The following CCBE1 variants were observed in gnomAD, a reference collection of about 807,000 sequenced individuals.
CCBE1 encodes collagen and calcium-binding EGF domain-containing protein 1.
A neutral mutation model predicts 50.0 loss-of-function variants in CCBE1; 37 were observed. The observed-to-expected ratio is 0.74, with a 90% confidence interval of 0.57 to 0.97. CCBE1 has a LOEUF of 0.97. Ranked by LOEUF, CCBE1 falls within the 50% of genes least tolerant of loss-of-function variation. The pLI is 0.00. For synonymous variants in CCBE1, 234 were observed against 203.7 expected, an observed-to-expected ratio of 1.15 and a Z score of -1.27; for missense variants, 538 against 523.8, an observed-to-expected ratio of 1.03 and a Z score of -0.26.
intron 2 of CCBE1, among the ~76,000 whole-genome samples, chr18:59,546,742 T>C (rs1429362352): frequency 6.6e-6 from 1 of 152,200 alleles, no homozygotes; most frequent in East Asian, 1.9e-4. Context: ...TTAAACATGT[T>C]AATCTTCTAT....
At chr18:59,552,549 TATCC>T (rs1439356374) in intron 2 of CCBE1, among the ~76,000 whole-genome samples, 2 of 152,254 alleles carry the variant, frequency 1.3e-5, no homozygotes, top group Non-Finnish European at 2.9e-5. Flanking sequence ...ACTCGCCAAG[TATCC>T]ATTTGCTGAC....
chr18:59,579,285 C>G (rs1282138842), intron 2 of CCBE1, among the ~76,000 whole-genome samples: 1 of 151,954 alleles, frequency 6.6e-6, no homozygotes, highest in African/African-American at 2.4e-5. Context: ...AAAAAAGCAA[C>G]AATTCACAGT....
intron 2 of CCBE1, among the ~76,000 whole-genome samples, chr18:59,599,991 G>A (rs2053408918): frequency 6.6e-6 from 1 of 152,136 alleles, no homozygotes; most frequent in Non-Finnish European, 1.5e-5. Context: ...CAGAACCATG[G>A]TGAGTTTTCC....
intron 2 of CCBE1, among the ~76,000 whole-genome samples, chr18:59,517,731 AAGTTTTCAGAGCACCG>A (rs1441455786): frequency 6.6e-6 from 1 of 152,234 alleles, no homozygotes; most frequent in African/African-American, 2.4e-5. Context: ...ACAAAGCAGC[AAGTTTTCAGAGCACCG>A]AGTTTCTCCA....
chr18:59,531,723 G>A (rs981252066), intron 2 of CCBE1, among the ~76,000 whole-genome samples: 24 of 152,214 alleles, frequency 1.6e-4, no homozygotes, highest in African/African-American at 5.8e-4. Flanking sequence ...CAGCCTGGGC[G>A]ACAAAGAAAC....
At chr18:59,439,638 TC>T in intron 8 of CCBE1, 38 bp downstream of exon 8, 1 of 1,614,096 alleles carries the variant, frequency 6.2e-7, no homozygotes, top group Non-Finnish European at 8.5e-7. Flanking sequence ...AAACACATTT[TC>T]CCCCAAAAAG....
chr18:59,445,872 C>T (rs7242532), intron 7 of CCBE1, among the ~76,000 whole-genome samples: 48,442 of 152,134 alleles, frequency 0.32, 7,874 homozygotes, highest in Admixed American at 0.34. Context: ...CAGCACCTTA[C>T]GTATGACAGT....
At chr18:59,486,709 C>T (rs921895059) in intron 2 of CCBE1, among the ~76,000 whole-genome samples, 2 of 152,202 alleles carry the variant, frequency 1.3e-5, no homozygotes, top group African/African-American at 2.4e-5. Context: ...AAAGTGGAGA[C>T]CAGGGTGCAG....
chr18:59,648,102 C>T (rs923339480), intron 2 of CCBE1, among the ~76,000 whole-genome samples: 10 of 152,224 alleles, frequency 6.6e-5, no homozygotes, highest in Non-Finnish European at 1.5e-4. Context: ...TTCCAGGTTG[C>T]CCTGTGTCAG....
chr18:59,621,234 C>T (rs898532833), intron 2 of CCBE1, among the ~76,000 whole-genome samples: 8 of 152,332 alleles, frequency 5.3e-5, no homozygotes, highest in African/African-American at 1.7e-4. Context: ...CACACTCACA[C>T]CAAGGAGGTG....
intron 2 of CCBE1, among the ~76,000 whole-genome samples, chr18:59,506,555 CA>C (rs1473377196): frequency 6.6e-6 from 1 of 152,230 alleles, no homozygotes; most frequent in African/African-American, 2.4e-5. Flanking sequence ...GACCTTCGGT[CA>C]AAGGATAGAG....
Position 59,435,514 on chromosome 18 carries a change from A to G in CCBE1, c.*394T>C. 1 of 297,880 alleles carries G rather than the reference A, an allele frequency of 3.4e-6. No individual in the cohort carries two copies. Among genetic ancestry groups the G allele is most frequent in the East Asian group, 8.6e-5 (1 of 11,668 alleles). 18.5% of individuals were successfully genotyped at this position (297,880 alleles called of 1,614,324 possible). ...GAACACACATCTTAGAAGTAGCCTC[A>G]CATTTTCTTAGAGCTCACTTTGTCA... On this transcript the variant is annotated 3_prime_UTR_variant, in exon 11 of 11. Coordinates refer to ENST00000439986, the MANE Select transcript of CCBE1 (RefSeq NM_133459.4).
rs1392920851 is a variant in CCBE1, at chr18:59,583,693, G to A, written c.213-103455C>T. 1.0e-4 allele frequency among the ~76,000 whole-genome samples: 14 copies of A among 139,046 alleles called. No individual in the cohort carries two copies. The South Asian group carries it at 1.1e-3, about 11-fold the overall frequency. The allele number at this position is 139,046 out of a possible 152,430, so 91.2% of individuals were successfully genotyped here. On this transcript the variant is annotated intron_variant, in intron 2 of 10. Transcript: ENST00000439986. Reference sequence around the variant, plus strand: ...TGTGTGTGTGTGTGCGCGCGCGCGCGCGCGCGCGTGTGTGTGTATGTCTGC... The same window carrying A: ...TGTGTGTGTGTGTGCGCGCGCGCGCACGCGCGCGTGTGTGTGTATGTCTGC...
intron 2 of CCBE1, among the ~76,000 whole-genome samples, chr18:59,687,340 C>A (rs1272372061): frequency 6.6e-6 from 1 of 152,204 alleles, no homozygotes; most frequent in Non-Finnish European, 1.5e-5. Flanking sequence ...AGGTCATGAA[C>A]GTCCACATAA....
intron 6 of CCBE1, among the ~76,000 whole-genome samples, chr18:59,452,358 C>T (rs1052815798): frequency 2.0e-5 from 3 of 152,062 alleles, no homozygotes; most frequent in Admixed American, 6.6e-5. Context: ...TTTGGGAGGC[C>T]GAGGCGGGTG....
intron 2 of CCBE1, among the ~76,000 whole-genome samples, chr18:59,602,180 T>G (rs1003859864): frequency 6.6e-6 from 1 of 151,902 alleles, no homozygotes; most frequent in African/African-American, 2.4e-5. Context: ...AATGAAAACG[T>G]AGGAAAAATG....
chr18:59,551,023 A>AAAAAAAAAGAAAAAAG (rs1915904169), intron 2 of CCBE1, among the ~76,000 whole-genome samples: 3 of 141,502 alleles, frequency 2.1e-5, no homozygotes, highest in Admixed American at 7.0e-5. Flanking sequence ...AAAAAAAAAA[A>AAAAAAAAAGAAAAAAG]AAAAAAGAAA....
Position 59,556,420 on chromosome 18 carries a change from C to T in CCBE1, c.213-76182G>A, listed in dbSNP as rs2052658219. Among the ~76,000 whole-genome samples the T allele has an allele frequency of 2.0e-5, 3 of 152,280 alleles. No individual in the cohort carries two copies. In the South Asian group the frequency reaches 6.2e-4, roughly 32 times the overall value. On this transcript the variant is annotated intron_variant, in intron 2 of 10. Coordinates refer to ENST00000439986, the MANE Select transcript of CCBE1 (RefSeq NM_133459.4). Reference sequence around the variant, plus strand: ...AGTGACCTGCAGTAACATATGCCTCCTCAGCATTCTTTCCTGCAGATGACT... The same window carrying T: ...AGTGACCTGCAGTAACATATGCCTCTTCAGCATTCTTTCCTGCAGATGACT...
At chr18:59,447,891 C>G in intron 7 of CCBE1, 92 bp downstream of exon 7, 1 of 1,586,670 alleles carries the variant, frequency 6.3e-7, no homozygotes, top group Non-Finnish European at 8.6e-7. Context: ...TCGATGGAAG[C>G]TGGAGAACAT....
Sources: allele counts gnomAD v4.1 joint callset (sites outside exome capture counted in the v4.1 genomes callset), GRCh38; gene constraint gnomAD v4.1.1; transcripts MANE v1.5; gene names NCBI Gene and HGNC (gene_info 2026-07-23, HGNC 2026-07-21).